Variants in LAMA2 observed in about 807,000 individuals in gnomAD.
LAMA2 encodes laminin subunit alpha-2.
Under a neutral mutation model 364.8 loss-of-function variants are expected in LAMA2, and 269 were observed. The ratio of observed to expected loss-of-function variants is 0.74; its 90% CI spans 0.67 to 0.82. LAMA2 has a LOEUF of 0.82. Ranked by LOEUF, LAMA2 falls within the 40% of genes least tolerant of loss-of-function variation. The pLI is 0.00. For missense variants in LAMA2, 3,807 were observed against 3,873.2 expected, an observed-to-expected ratio of 0.98 and a Z score of 0.45; for synonymous variants, 1,379 against 1,370.6, an observed-to-expected ratio of 1.01 and a Z score of -0.14.
chr6:128,953,621 GT>G (rs572729385), intron 1 of LAMA2, among the ~76,000 whole-genome samples: 311 of 119,082 alleles, frequency 2.6e-3, no homozygotes, highest in African/African-American at 0.01. Flanking sequence ...GTGTGTGTGT[GT>G]GTGAATGTAT....
chr6:129,126,730 C>T (rs1160170666), intron 4 of LAMA2, among the ~76,000 whole-genome samples: 1 of 151,798 alleles, frequency 6.6e-6, no homozygotes, highest in Non-Finnish European at 1.5e-5. Context: ...AGAGTTTATC[C>T]CTCAGATGTT....
At chr6:129,180,931 C>T (rs1270946962) in intron 10 of LAMA2, among the ~76,000 whole-genome samples, 1 of 151,876 alleles carries the variant, frequency 6.6e-6, no homozygotes, top group Admixed American at 6.6e-5. Context: ...GGATTTGGAC[C>T]CACAGACGGA....
At chr6:129,071,344 T>C (rs1773298721) in intron 3 of LAMA2, among the ~76,000 whole-genome samples, 1 of 152,150 alleles carries the variant, frequency 6.6e-6, no homozygotes, top group South Asian at 2.1e-4. Context: ...ATTAGTCTTT[T>C]TCAAATAGCC....
intron 29 of LAMA2, among the ~76,000 whole-genome samples, chr6:129,339,615 C>T (rs762719704): frequency 2.6e-5 from 4 of 151,888 alleles, no homozygotes; most frequent in Admixed American, 6.6e-5. Context: ...GAATTAAGGG[C>T]GTCAATTATA....
At chr6:129,219,629 A>G (rs1427293110) in intron 12 of LAMA2, among the ~76,000 whole-genome samples, 3 of 147,160 alleles carry the variant, frequency 2.0e-5, no homozygotes, top group Non-Finnish European at 3.0e-5. Flanking sequence ...CATATACACC[A>G]TGGAATACTA....
chr6:128,968,741 G>A (rs1259833796), intron 1 of LAMA2, among the ~76,000 whole-genome samples: 1 of 152,088 alleles, frequency 6.6e-6, no homozygotes, highest in African/African-American at 2.4e-5. Flanking sequence ...CCAGGATAAG[G>A]GCAGCCAGGG....
At chr6:129,267,977 G>A (rs533852792) in intron 16 of LAMA2, among the ~76,000 whole-genome samples, 1 of 152,106 alleles carries the variant, frequency 6.6e-6, no homozygotes, top group Admixed American at 6.6e-5. Context: ...AATTTAAAAT[G>A]GTGCCAATTA....
intron 37 of LAMA2, among the ~76,000 whole-genome samples, chr6:129,400,124 A>C (rs1221378964): frequency 6.6e-6 from 1 of 152,190 alleles, no homozygotes; most frequent in Non-Finnish European, 1.5e-5. Flanking sequence ...TGGTTCATAG[A>C]CACCGTTTTC....
Position 129,124,362 on chromosome 6 carries a change from G to A in LAMA2, c.640-19539G>A, listed in dbSNP as rs78693926. 4.5e-3 allele frequency among the ~76,000 whole-genome samples: 689 copies of A among 152,296 alleles called. 5 individuals are homozygous for A. The highest frequency in any genetic ancestry group is 7.7e-3 in the Non-Finnish European group (523 of 68,020). ...AAGGGTAGGTTTACTCATAGCTTGG[G>A]AAGAGAGAGATGGTGTCTCCCTCCA... On this transcript the variant is annotated intron_variant, in intron 4 of 64. Coordinates refer to ENST00000421865, the MANE Select transcript of LAMA2 (RefSeq NM_000426.4).
intron 48 of LAMA2, among the ~76,000 whole-genome samples, chr6:129,457,641 T>C (rs573346395): frequency 2.4e-4 from 37 of 152,214 alleles, no homozygotes; most frequent in African/African-American, 7.9e-4. Flanking sequence ...TCTCAGTAAT[T>C]TACATGAATT....
At chr6:129,393,789 A>G (rs1353885950) in intron 37 of LAMA2, among the ~76,000 whole-genome samples, 1 of 152,240 alleles carries the variant, frequency 6.6e-6, no homozygotes, top group African/African-American at 2.4e-5. Context: ...TTCAAATTCA[A>G]TCTGAGCACA....
At chr6:129,272,427 G>A (rs1721414456) in intron 17 of LAMA2, among the ~76,000 whole-genome samples, 2 of 152,156 alleles carry the variant, frequency 1.3e-5, no homozygotes, top group Non-Finnish European at 2.9e-5. Context: ...GACTGGATAT[G>A]ATGAACCCAA....
chr6:129,063,014 T>C (rs1272678370), intron 3 of LAMA2, among the ~76,000 whole-genome samples: 1 of 151,930 alleles, frequency 6.6e-6, no homozygotes, highest in Non-Finnish European at 1.5e-5. Context: ...AAGTAGATTG[T>C]TCTTAGATAC....
chr6:128,931,695 TAAA>T (rs1272024220), intron 1 of LAMA2, among the ~76,000 whole-genome samples: 4 of 152,158 alleles, frequency 2.6e-5, no homozygotes, highest in Non-Finnish European at 1.5e-5. Flanking sequence ...ATAATCTTAT[TAAA>T]AATTATTTTT....
chr6:129,514,274 C>CTGA, intron 63 of LAMA2, 99 bp from the exon 64 acceptor site: 1 of 895,242 alleles, frequency 1.1e-6, no homozygotes. Context: ...ATGATTCTGG[C>CTGA]TGATGTCTTT....
chr6:129,029,852 G>C (rs1786099226), intron 1 of LAMA2, among the ~76,000 whole-genome samples: 1 of 151,952 alleles, frequency 6.6e-6, no homozygotes, highest in African/African-American at 2.4e-5. Flanking sequence ...TAGGAATTCT[G>C]GGGCTACTTT....
At chr6:128,964,282 T>C (rs1241831986) in intron 1 of LAMA2, among the ~76,000 whole-genome samples, 2 of 152,182 alleles carry the variant, frequency 1.3e-5, no homozygotes, top group East Asian at 3.9e-4. Context: ...CTGGCTGTAT[T>C]TTCCGACTGA....
At chr6:129,319,891 G>C (rs992587972) in intron 27 of LAMA2, among the ~76,000 whole-genome samples, 1 of 152,138 alleles carries the variant, frequency 6.6e-6, no homozygotes, top group Non-Finnish European at 1.5e-5. Context: ...CCAGCACTTC[G>C]GGAGGCCAAA....
intron 3 of LAMA2, among the ~76,000 whole-genome samples, chr6:129,097,621 G>A (rs1241677693): frequency 1.3e-5 from 2 of 152,150 alleles, no homozygotes; most frequent in East Asian, 1.9e-4. Context: ...GGGATGTAAA[G>A]GAATGGACAT....
Sources: gnomAD v4.1 joint callset for allele counts (sites outside exome capture counted in the v4.1 genomes callset) on GRCh38, gnomAD v4.1.1 for gene constraint, MANE v1.5 for transcripts, NCBI Gene and HGNC (gene_info 2026-07-23, HGNC 2026-07-21) for gene names.